FAS: variants seen among roughly 807,000 people sequenced by gnomAD.
The protein encoded by FAS is Fas cell surface death receptor.
A neutral mutation model predicts 33.2 loss-of-function variants in FAS; 5 were observed. The ratio of observed to expected loss-of-function variants is 0.15; its 90% CI spans 0.08 to 0.32. The LOEUF (loss-of-function observed/expected upper bound fraction) is 0.32. Ranked by LOEUF, FAS falls within the 10% of genes least tolerant of loss-of-function variation. FAS has a pLI of 1.00. For synonymous variants in FAS, 131 were observed against 130.7 expected (o/e 1.00, Z -0.01); for missense variants, 339 against 386.0 (o/e 0.88, Z 1.02).
In FAS at chr10:88,990,829, G is replaced by A; in HGVS notation, c.-48G>A. ...TCCCGCGGGTTGGTGGACCCGCTCA[G>A]TACGGAGTTGGGGAAGCTCTTTCAC... is the stretch of plus-strand genomic sequence containing the variant. On this transcript the variant is annotated 5_prime_UTR_variant, in exon 1 of 9. Coordinates refer to ENST00000652046, the MANE Select transcript of FAS (RefSeq NM_000043.6). The surrounding 1 kb of genome is among the most constrained non-coding windows in gnomAD (Gnocchi z 4.9). The A allele has an allele frequency of 3.1e-6, 5 of 1,614,058 alleles. No individual in the cohort carries two copies. Among genetic ancestry groups the A allele is most frequent in the Non-Finnish European group, 4.2e-6 (5 of 1,179,898 alleles).
At chr10:88,978,169 T>A (rs1286090783) in intron 2 of FAS, among the ~76,000 whole-genome samples, 2 of 124,434 alleles carry the variant, frequency 1.6e-5, no homozygotes, top group African/African-American at 6.1e-5. Flanking sequence ...AAACACCGCA[T>A]ATTCTCACTC....
chr10:88,997,736 T>C (rs1055055230), intron 1 of FAS, among the ~76,000 whole-genome samples: 18 of 152,190 alleles, frequency 1.2e-4, no homozygotes, highest in Admixed American at 6.5e-5. Context: ...TCTTTTAGAA[T>C]TTCTTTTTCC....
At chr10:88,992,587 A>G (rs1847308903) in intron 1 of FAS, 1 of 152,126 alleles carries the variant, frequency 6.6e-6, no homozygotes, top group Non-Finnish European at 1.5e-5. Flanking sequence ...GTATATATAC[A>G]TATTATAATA....
chr10:88,966,944 G>C (rs1030768204), intron 1 of FAS, among the ~76,000 whole-genome samples: 3 of 152,208 alleles, frequency 2.0e-5, no homozygotes, highest in Non-Finnish European at 4.4e-5. Flanking sequence ...CCTGAGGCTT[G>C]AGTGAGAAGA....
intron 2 of FAS, among the ~76,000 whole-genome samples, chr10:88,975,998 A>T (rs1205490390): frequency 6.6e-6 from 1 of 152,220 alleles, no homozygotes; most frequent in Non-Finnish European, 1.5e-5. Flanking sequence ...AGTTTGAGGC[A>T]AGGTCAAATG....
intron 1 of FAS, among the ~76,000 whole-genome samples, chr10:89,000,489 A>G (rs1847858201): frequency 6.6e-6 from 1 of 152,248 alleles, no homozygotes; most frequent in African/African-American, 2.4e-5. Context: ...TGAGTTTAGC[A>G]AAATGAAGAA....
At chr10:88,997,308 A>G (rs1279810932) in intron 1 of FAS, among the ~76,000 whole-genome samples, 2 of 150,634 alleles carry the variant, frequency 1.3e-5, no homozygotes, top group East Asian at 3.8e-4. Flanking sequence ...GGGTCTTGAG[A>G]ACTATTTTTC....
intron 1 of FAS, among the ~76,000 whole-genome samples, chr10:88,992,819 G>A (rs1276007314): frequency 6.6e-6 from 1 of 152,046 alleles, no homozygotes; most frequent in Non-Finnish European, 1.5e-5. Flanking sequence ...TTGCGCTCAC[G>A]ACATGCCTAA....
chr10:89,004,764 T>A (rs1393300569), intron 2 of FAS, among the ~76,000 whole-genome samples: 1 of 152,174 alleles, frequency 6.6e-6, no homozygotes, highest in Non-Finnish European at 1.5e-5. Context: ...TTCCAACTGA[T>A]CTGGCTGGAT....
chr10:88,996,369 TTA>T (rs1250965554), intron 1 of FAS, among the ~76,000 whole-genome samples: 1 of 152,056 alleles, frequency 6.6e-6, no homozygotes, highest in Non-Finnish European at 1.5e-5. Flanking sequence ...ATGATCTCGT[TTA>T]TATGTGGAAT....
rs1468156137 is a variant in FAS at position 89,014,661 on chromosome 10, G to C, written c.*211G>C. The C allele has an allele frequency of 1.4e-6, 1 of 692,666 alleles. No homozygotes were observed. The highest frequency in any genetic ancestry group is 2.6e-6 in the Non-Finnish European group (1 of 383,138). 42.9% of individuals were successfully genotyped at this position (692,666 alleles called of 1,614,324 possible). On this transcript the variant is annotated 3_prime_UTR_variant, in exon 9 of 9. Coordinates refer to ENST00000652046, the MANE Select transcript of FAS (RefSeq NM_000043.6). ...TAGTTGGGAAAACAAACTTCATCAA[G>C]AGTAAATGCAGTGGCATGCTAAGTA... is the stretch of plus-strand genomic sequence containing the variant.
intron 2 of FAS, among the ~76,000 whole-genome samples, chr10:89,006,542 A>G (rs1848238841): frequency 6.6e-6 from 1 of 152,218 alleles, no homozygotes; most frequent in South Asian, 2.1e-4. Flanking sequence ...AACTAGTTAT[A>G]CCATTAACAA....
At chr10:88,989,361 G>T (rs1290169675), upstream of FAS, 19 of 271,426 alleles carry the variant, frequency 7.0e-5, no homozygotes, top group South Asian at 1.4e-4. Flanking sequence ...TTATTTAAAT[G>T]AACTTTTCAT....
At chr10:89,010,717 A>C in intron 5 of FAS, 36 bp from the exon 6 acceptor site, 1 of 1,613,212 alleles carries the variant, frequency 6.2e-7, no homozygotes, top group Non-Finnish European at 8.5e-7. Context: ...AAGATTGCTT[A>C]TTTTCATATA....
intron 2 of FAS, among the ~76,000 whole-genome samples, chr10:89,004,196 T>A (rs1274767181): frequency 1.3e-5 from 2 of 152,238 alleles, no homozygotes; most frequent in African/African-American, 4.8e-5. Flanking sequence ...TAAATTAAAA[T>A]GAACAAAATA....
intron 1 of FAS, among the ~76,000 whole-genome samples, chr10:88,968,379 A>G (rs1846359548): frequency 6.6e-6 from 1 of 152,168 alleles, no homozygotes. Context: ...GTTTTTGATC[A>G]TCTTGGGTTT....
chr10:88,995,839 G>T (rs1014310278), intron 1 of FAS, among the ~76,000 whole-genome samples: 17 of 132,686 alleles, frequency 1.3e-4, no homozygotes, highest in African/African-American at 4.8e-4. Context: ...AGAAAACAAA[G>T]AAACAAAAAA....
At chr10:88,969,655 TC>T (rs1846388720) in intron 1 of FAS, among the ~76,000 whole-genome samples, 2 of 152,226 alleles carry the variant, frequency 1.3e-5, no homozygotes, top group South Asian at 4.1e-4. Flanking sequence ...GAAAGAAACC[TC>T]CTCTGACCAC....
rs1275576204 is a variant in FAS, at chr10:89,010,879, G to A, written c.568+64G>A. ...CTTGGGAAGTAGTTCACAAAGATTT[G>A]CCTCATTCTTACCTATAAAAAGCTA... On this transcript the variant is annotated intron_variant, in intron 6 of 8. Coordinates refer to ENST00000652046, the MANE Select transcript of FAS (RefSeq NM_000043.6). 3 of 1,583,416 alleles carry A rather than the reference G, an allele frequency of 1.9e-6. No homozygotes were observed. In the African/African-American group the frequency reaches 4.0e-5, roughly 21 times the overall value.
Sources: gnomAD v4.1 joint callset for allele counts (sites outside exome capture counted in the v4.1 genomes callset) on GRCh38, gnomAD v4.1.1 for gene constraint, Gnocchi (gnomAD v3.1) non-coding constraint, MANE v1.5 for transcripts, NCBI Gene and HGNC (gene_info 2026-07-23, HGNC 2026-07-21) for gene names.